The following AIMP1 variants were observed in gnomAD, a reference collection of about 807,000 sequenced individuals.
The protein encoded by AIMP1 is aminoacyl tRNA synthetase complex interacting multifunctional protein 1.
AIMP1 carries 24 observed loss-of-function variants against 33.1 expected under a neutral mutation model. The ratio of observed to expected loss-of-function variants is 0.73; its 90% CI spans 0.53 to 1.02. AIMP1 has a LOEUF of 1.02. AIMP1 is among the 50% of genes least tolerant of loss of function. The pLI is 0.00. For synonymous variants in AIMP1, 120 were observed against 121.5 expected (o/e 0.99, Z 0.08); for missense variants, 367 against 364.8 (o/e 1.01, Z -0.05).
At chr4:106,316,356 C>CA, upstream of AIMP1, 1 of 580,320 alleles carries the variant, frequency 1.7e-6, no homozygotes, top group East Asian at 3.0e-5. Context: ...TGCGGGGGGA[C>CA]GGGGGGGGTC....
intron 1 of AIMP1, among the ~76,000 whole-genome samples, chr4:106,317,835 G>T (rs1579622871): frequency 6.6e-6 from 1 of 152,114 alleles, no homozygotes; most frequent in African/African-American, 2.4e-5. Context: ...AAAGGTTAGG[G>T]TATATTATAG....
At chr4:106,327,357 C>T in intron 2 of AIMP1, 94 bp from the exon 3 acceptor site, 1 of 887,632 alleles carries the variant, frequency 1.1e-6, no homozygotes, top group East Asian at 2.6e-5. Flanking sequence ...TAGTATTATC[C>T]TAGCTGTAGT....
chr4:106,330,356 G>T (rs566303988), intron 4 of AIMP1, among the ~76,000 whole-genome samples: 131 of 152,104 alleles, frequency 8.6e-4, no homozygotes, highest in African/African-American at 3.1e-3. Flanking sequence ...GCATATTCTG[G>T]TAATTTTGTT....
chr4:106,337,262 G>A (rs912590918), intron 6 of AIMP1, among the ~76,000 whole-genome samples: 2 of 152,124 alleles, frequency 1.3e-5, no homozygotes, highest in Non-Finnish European at 2.9e-5. Flanking sequence ...TAAAACACCT[G>A]ATATGGTTTG....
chr4:106,320,979 C>T (rs1248951511), intron 1 of AIMP1, among the ~76,000 whole-genome samples: 1 of 152,152 alleles, frequency 6.6e-6, no homozygotes, highest in African/African-American at 2.4e-5. Flanking sequence ...AGCTCCTGAC[C>T]GCGAGTGATC....
rs200828195 is a variant in AIMP1 at position 106,347,515 on chromosome 4, C to G, written c.773-11C>G. The G allele has an allele frequency of 1.9e-6, 3 of 1,605,142 alleles. No homozygotes were observed. The highest frequency in any genetic ancestry group is 1.3e-5 in the African/African-American group (1 of 74,442). On this transcript the variant is annotated splice_polypyrimidine_tract_variant and intron_variant, in intron 6 of 6. Coordinates refer to ENST00000672341, the MANE Select transcript of AIMP1 (RefSeq NM_001142416.2). Reference sequence around the variant, plus strand: ...TGTGTAATTTTCTTGTGCTTTTTTTCTCCTACACAGGAGAGCCTGACAAGG... The same window carrying G: ...TGTGTAATTTTCTTGTGCTTTTTTTGTCCTACACAGGAGAGCCTGACAAGG...
intron 6 of AIMP1, among the ~76,000 whole-genome samples, chr4:106,340,220 G>C (rs1233309851): frequency 6.6e-6 from 1 of 151,440 alleles, no homozygotes; most frequent in African/African-American, 2.4e-5. Flanking sequence ...CTGAGGATTT[G>C]TGTGTGTGTG....
intron 6 of AIMP1, among the ~76,000 whole-genome samples, chr4:106,342,100 T>C (rs1352697634): frequency 3.3e-5 from 5 of 152,182 alleles, no homozygotes; most frequent in African/African-American, 1.2e-4. Context: ...GCTTGAACTT[T>C]AGTGTATAGA....
chr4:106,331,552 G>A, intron 4 of AIMP1, 120 bp from the exon 5 acceptor site: 1 of 808,906 alleles, frequency 1.2e-6, no homozygotes, highest in Non-Finnish European at 2.1e-6. Context: ...GAAGGTAGGA[G>A]ATAAACATTC....
At chr4:106,342,530 G>A (rs1770135096) in intron 6 of AIMP1, among the ~76,000 whole-genome samples, 1 of 152,154 alleles carries the variant, frequency 6.6e-6, no homozygotes, top group Non-Finnish European at 1.5e-5. Flanking sequence ...TTCTGTATCT[G>A]TTGAGATGAT....
intron 4 of AIMP1, among the ~76,000 whole-genome samples, chr4:106,329,505 T>G (rs565324369): frequency 6.6e-6 from 1 of 152,228 alleles, no homozygotes; most frequent in Non-Finnish European, 1.5e-5. Context: ...ATGGAAGTAC[T>G]CTATATCTGC....
In AIMP1 at chr4:106,325,048, G is replaced by A; in HGVS notation, c.39G>A (p.Gln13=). Residue 13 remains glutamine (Q), a synonymous_variant, in exon 2 of 7, where the codon CAG becomes CAA. Coordinates refer to ENST00000672341, the MANE Select transcript of AIMP1 (RefSeq NM_001142416.2). The stretch of plus-strand genomic sequence containing the variant: ...ATGCTGTTCTGAAGAGACTGGAGCA[G>A]AAGGGTGCAGAGGCAGATCAAATCA... ...NNDAVLKRLE[Q]KGAEADQIIE... 1 of 1,613,086 alleles carries A rather than the reference G, an allele frequency of 6.2e-7. No individual in the cohort carries two copies. Among genetic ancestry groups the A allele is most frequent in the Non-Finnish European group, 8.5e-7 (1 of 1,179,358 alleles).
In AIMP1 at chr4:106,347,653, A is replaced by G; in HGVS notation, c.900A>G (p.Val300=). ...GVPFEVKGKG[V]CRAQTMSNSG... Reference sequence around the variant, plus strand: ...CCTTTGAGGTGAAAGGGAAGGGAGTATGTAGGGCTCAAACCATGAGCAACA... The same window carrying G: ...CCTTTGAGGTGAAAGGGAAGGGAGTGTGTAGGGCTCAAACCATGAGCAACA... The change falls in exon 7 of 7, where the codon GTA becomes GTG. Residue 300 remains valine, a synonymous_variant. Coordinates refer to ENST00000672341, the MANE Select transcript of AIMP1 (RefSeq NM_001142416.2). 1 of 1,613,358 alleles carries G rather than the reference A, an allele frequency of 6.2e-7. No homozygotes were observed. The highest frequency in any genetic ancestry group is 1.3e-5 in the African/African-American group (1 of 74,992).
intron 6 of AIMP1, among the ~76,000 whole-genome samples, chr4:106,338,840 G>C (rs1194581163): frequency 1.3e-5 from 2 of 152,218 alleles, no homozygotes; most frequent in African/African-American, 4.8e-5. Context: ...AAGCAGCTGG[G>C]ATGGTGGCTG....
Position 106,324,979 on chromosome 4 carries a change from C to A in AIMP1, c.-25-6C>A, listed in dbSNP as rs3737498. The A allele has an allele frequency of 0.18, 279,038 of 1,585,592 alleles. 25,421 individuals carry two copies. The highest frequency in any genetic ancestry group is 0.25 in the South Asian group (20,890 of 84,812). On this transcript the variant is annotated splice_region_variant and splice_polypyrimidine_tract_variant and intron_variant, in intron 1 of 6. Coordinates refer to ENST00000672341, the MANE Select transcript of AIMP1 (RefSeq NM_001142416.2). ...GTGTAATTTATCACTTTTATTTTTC[C>A]TATAGGATTTTCTGCCGTCTCTTGG...
chr4:106,331,884 G>A lies in AIMP1; in HGVS notation c.603+1G>A, dbSNP rs755838552. Reference sequence around the variant, plus strand: ...GGTGAATCATGTTCCTCTTGAACAGGTAATCTGTACAACTGAAATTCCTGT... The same window carrying A: ...GGTGAATCATGTTCCTCTTGAACAGATAATCTGTACAACTGAAATTCCTGT... On this transcript the variant is annotated splice_donor_variant, in intron 5 of 6. Coordinates refer to ENST00000672341, the MANE Select transcript of AIMP1 (RefSeq NM_001142416.2). LOFTEE classifies it high-confidence loss of function. The A allele has an allele frequency of 3.7e-6, 6 of 1,612,510 alleles. No individual in the cohort carries two copies. In the Admixed American group the frequency reaches 5.0e-5, roughly 13 times the overall value.
intron 5 of AIMP1, 33 bp from the exon 6 acceptor site, chr4:106,336,836 A>G (rs1769903169): frequency 3.1e-6 from 5 of 1,594,854 alleles, no homozygotes; most frequent in East Asian, 4.5e-5. Flanking sequence ...TAATCTGTGT[A>G]CATCTTTACT....
At chr4:106,319,348 C>G (rs1769107029) in intron 1 of AIMP1, among the ~76,000 whole-genome samples, 1 of 151,754 alleles carries the variant, frequency 6.6e-6, no homozygotes, top group African/African-American at 2.4e-5. Context: ...ATCTCAGAAT[C>G]TCAAAAATCA....
At chr4:106,346,838 A>T (rs1213651279) in intron 6 of AIMP1, among the ~76,000 whole-genome samples, 1 of 152,170 alleles carries the variant, frequency 6.6e-6, no homozygotes, top group Non-Finnish European at 1.5e-5. Context: ...TAATCCATTC[A>T]TGCACTGCTG....
Sources: allele counts gnomAD v4.1 joint callset (sites outside exome capture counted in the v4.1 genomes callset), GRCh38; gene constraint gnomAD v4.1.1; transcripts MANE v1.5; gene names NCBI Gene and HGNC (gene_info 2026-07-23, HGNC 2026-07-21).